Variants in HMG20B observed in about 807,000 individuals in gnomAD.
HMG20B encodes the protein SWI/SNF-related matrix-associated actin-dependent regulator of chromatin subfamily E member 1-related.
HMG20B carries 24 observed loss-of-function variants against 41.6 expected under a neutral mutation model. That is an observed-to-expected ratio of 0.58 (90% CI 0.42 to 0.81). The LOEUF (loss-of-function observed/expected upper bound fraction) is 0.81. Among genes scored for constraint, HMG20B ranks in the 30% least tolerant of loss-of-function variants. HMG20B has a pLI of 0.00. For missense variants in HMG20B, 461 were observed against 444.0 expected, an observed-to-expected ratio of 1.04 and a Z score of -0.34; for synonymous variants, 251 against 186.6, an observed-to-expected ratio of 1.34 and a Z score of -2.81.
chr19:3,576,681 G>A lies in HMG20B; in HGVS notation c.592+56G>A, dbSNP rs576274429. 73 of 1,516,646 alleles carry A rather than the reference G, an allele frequency of 4.8e-5. No homozygotes were observed. The South Asian group carries it at 8.0e-4, about 17-fold the overall frequency. The allele number at this position is 1,516,646 out of a possible 1,614,324, so 93.9% of individuals were successfully genotyped here. A position where few individuals can be genotyped will look rare whatever the true frequency, so the allele number is the denominator to read the frequency against. On this transcript the variant is annotated intron_variant, in intron 7 of 9. Transcript: ENST00000333651. ...TCCGTGAAACTGGGTGGTAGAGGGG[G>A]GCGTGGGCCAGGAGGGCCCCAAGAC... is the stretch of plus-strand genomic sequence containing the variant.
intron 8 of HMG20B, 46 bp downstream of exon 8, chr19:3,577,153 C>T (rs1481908620): frequency 2.1e-5 from 27 of 1,272,062 alleles, no homozygotes; most frequent in Admixed American, 6.0e-5. Flanking sequence ...TCACCCGGCC[C>T]CGCCCGCCTC....
chr19:3,578,017 T>G lies in HMG20B; in HGVS notation c.845T>G (p.Phe282Cys), dbSNP rs137979477. Residue 282 changes from phenylalanine to cysteine, a missense_variant, in exon 9 of 10, where the codon TTC becomes TGC. Transcript: ENST00000333651. The stretch of plus-strand genomic sequence containing the variant: ...ACGCCCACGCTGGGCACTCTGGACT[T>G]CTACATGGCCCGGCTTCACGGAGCC... ...GETPTLGTLDFYMARLHGAIE... is the reference protein window; with the variant it reads ...GETPTLGTLDCYMARLHGAIE... 6.2e-7 allele frequency: 1 copy of G among 1,608,096 alleles called. No individual in the cohort carries two copies. The highest frequency in any genetic ancestry group is 2.2e-5 in the East Asian group (1 of 44,710).
At position 3,573,772 on chromosome 19, in the gene HMG20B, C is replaced by G. The variant is rs755167159; in HGVS notation, c.119C>G (p.Ala40Gly). The G allele has an allele frequency of 2.6e-6, 4 of 1,568,624 alleles. No individual in the cohort carries two copies. The South Asian group carries it at 4.6e-5, about 18-fold the overall frequency. The change falls in exon 3 of 10, where the codon GCG (alanine) becomes GGG (glycine). Residue 40 changes from alanine to glycine, a missense_variant. Physicochemically the swap from Ala to Gly is moderately conservative, Grantham distance 60. Transcript: ENST00000333651. ...VKQERGEGPR[A>G]GEKGSHEEEP... is the part of the protein sequence containing the mutation. ...CAAGAGCGCGGCGAGGGTCCACGCG[C>G]GGGCGAGAAGGGGTCCCACGAGGAG...
At position 3,574,556 on chromosome 19, in the gene HMG20B, G is replaced by A. The variant is rs1232249080; in HGVS notation, c.321G>A (p.Glu107=). 8 of 1,603,240 alleles carry A rather than the reference G, an allele frequency of 5.0e-6. No individual in the cohort carries two copies. The East Asian group carries it at 6.7e-5, about 13-fold the overall frequency. The change falls in exon 4 of 10, where the codon GAG becomes GAA. Residue 107 remains glutamate, a synonymous_variant. Coordinates refer to ENST00000333651, the MANE Select transcript of HMG20B (RefSeq NM_006339.3). ...FPEITKMLGA[E]WSKLQPTEKQ... ...AGATCACCAAGATGCTGGGCGCCGA[G>A]TGGAGCAAGCTGCAGCCAACGGAAA...
intron 2 of HMG20B, 68 bp downstream of exon 2, chr19:3,573,415 C>A: frequency 7.0e-7 from 1 of 1,421,052 alleles, no homozygotes; most frequent in Non-Finnish European, 9.3e-7. Flanking sequence ...TCCTGAACCC[C>A]TGACCCAGTC....
chr19:3,575,300 G>A (rs2032133404), intron 4 of HMG20B, among the ~76,000 whole-genome samples: 1 of 152,172 alleles, frequency 6.6e-6, no homozygotes, highest in Non-Finnish European at 1.5e-5. Context: ...CCATGACTCT[G>A]GCGTCCGGGA....
intron 6 of HMG20B, 113 bp downstream of exon 6, chr19:3,576,420 C>A: frequency 7.4e-7 from 1 of 1,355,880 alleles, no homozygotes; most frequent in Non-Finnish European, 1.1e-6. Flanking sequence ...GGCGGTGCCA[C>A]TGCACCGTGG....
At chr19:3,577,777 C>T (rs923976191) in intron 8 of HMG20B, among the ~76,000 whole-genome samples, 3 of 150,982 alleles carry the variant, frequency 2.0e-5, no homozygotes, top group Non-Finnish European at 4.4e-5. Flanking sequence ...GCCGCTCTAG[C>T]CCCGCGTCCC....
At position 3,576,589 on chromosome 19, in the gene HMG20B, C is replaced by T. The variant is rs774881413; in HGVS notation, c.556C>T (p.Pro186Ser). The change falls in exon 7 of 10, where the codon CCC becomes TCC. Residue 186 changes from proline (P) to serine (S), a missense_variant. Physicochemically the swap from Pro to Ser is moderately conservative, Grantham distance 74 (BLOSUM62 -1). Transcript: ENST00000333651. The part of the protein sequence containing the change: ...DCDGFSTFDV[P>S]IFTEEFLDQN... ...CGATGGCTTCTCCACCTTCGATGTT[C>T]CCATCTTCACTGAAGAGTTCTTGGA... The T allele has an allele frequency of 6.2e-7, 1 of 1,613,568 alleles. No homozygotes were observed. Among genetic ancestry groups the T allele is most frequent in the Non-Finnish European group, 8.5e-7 (1 of 1,179,722 alleles).
Position 3,577,052 on chromosome 19 carries a change from G to T in HMG20B, c.753G>T (p.Gln251His). 7 of 1,546,006 alleles carry T rather than the reference G, an allele frequency of 4.5e-6. No individual in the cohort carries two copies. Among genetic ancestry groups the T allele is most frequent in the Non-Finnish European group, 6.1e-6 (7 of 1,146,270 alleles). ...GGAGGACGCTGGCGCTGCAGCAGCA[G>T]CTCCAGGCCGTGCGCCAGGCGCTCA... ...EERRTLALQQQLQAVRQALTA... is the reference protein window; with the variant it reads ...EERRTLALQQHLQAVRQALTA... Residue 251 changes from glutamine (Q) to histidine (H), a missense_variant, in exon 8 of 10, where the codon CAG becomes CAT. Transcript: ENST00000333651.
rs757943891 is a variant in HMG20B, at chr19:3,578,224, A to G, written c.941+111A>G. On this transcript the variant is annotated intron_variant, in intron 9 of 9. Transcript: ENST00000333651. ...TGGGTGGGACTCCGCAGCTTACTAGAGATCACCTCCCGGAGGGGCCTACCT... is the reference window on the plus strand; with the variant it reads ...TGGGTGGGACTCCGCAGCTTACTAGGGATCACCTCCCGGAGGGGCCTACCT... 1.5e-5 allele frequency: 21 copies of G among 1,441,044 alleles called. No homozygotes were observed. The Admixed American group carries it at 4.2e-4, about 29-fold the overall frequency. 89.3% of individuals were successfully genotyped at this position (1,441,044 alleles called of 1,614,324 possible).
At chr19:3,578,341 T>C (rs936881718) in intron 9 of HMG20B, 168 bp from the exon 10 acceptor site, 3 of 1,179,168 alleles carry the variant, frequency 2.5e-6, no homozygotes, top group Non-Finnish European at 3.5e-6. Context: ...TCCCTAAAGC[T>C]TCTCAGGGTG....
rs778755479 is a variant in HMG20B at position 3,578,000 on chromosome 19, G to A, written c.828G>A (p.Thr276=). 5.6e-6 allele frequency: 9 copies of A among 1,604,322 alleles called. No homozygotes were observed. The East Asian group carries it at 1.8e-4, about 32-fold the overall frequency. Residue 276 remains threonine, a synonymous_variant, in exon 9 of 10, where the codon ACG becomes ACA. Transcript: ENST00000333651. ...LPVPGTGETP[T]LGTLDFYMAR... is the part of the protein sequence containing the mutation. ...CCCCAGGCACGGGCGAAACGCCCAC[G>A]CTGGGCACTCTGGACTTCTACATGG... is the stretch of plus-strand genomic sequence containing the variant.
Position 3,573,984 on chromosome 19 carries a change from G to A in HMG20B, c.147+184G>A, listed in dbSNP as rs892938273. The A allele has an allele frequency of 2.0e-5, 14 of 710,476 alleles. No individual in the cohort carries two copies. The African/African-American group carries it at 2.3e-4, about 12-fold the overall frequency. The allele number at this position is 710,476 out of a possible 1,614,324, so 44.0% of individuals were successfully genotyped here. ...AGGTCCTCTGCCACTCTAAGTCCAGGCCCCGCCCACCGCACAATGCCAGCT... is the reference window on the plus strand; with the variant it reads ...AGGTCCTCTGCCACTCTAAGTCCAGACCCCGCCCACCGCACAATGCCAGCT... On this transcript the variant is annotated intron_variant, in intron 3 of 9. Transcript: ENST00000333651.
intron 2 of HMG20B, 55 bp downstream of exon 2, chr19:3,573,402 A>G: frequency 6.8e-7 from 1 of 1,470,510 alleles, no homozygotes; most frequent in Non-Finnish European, 9.0e-7. Context: ...CTGCAGCCCT[A>G]GCTCCTGAAC....
chr19:3,577,310 C>T (rs1198798062), intron 8 of HMG20B, among the ~76,000 whole-genome samples: 2 of 149,062 alleles, frequency 1.3e-5, no homozygotes, highest in Admixed American at 6.6e-5. Flanking sequence ...ACCCCTACCC[C>T]ATAGCTCCGT....
At chr19:3,573,544 C>T in intron 2 of HMG20B, 148 bp from the exon 3 acceptor site, 1 of 903,542 alleles carries the variant, frequency 1.1e-6, no homozygotes, top group Non-Finnish European at 1.6e-6. Flanking sequence ...CCCACCTTCC[C>T]CGGATACTGA....
intron 1 of HMG20B, 37 bp downstream of exon 1, chr19:3,573,031 G>A: frequency 2.4e-6 from 1 of 410,796 alleles, no homozygotes; most frequent in Middle Eastern, 6.4e-4. Context: ...CCTGAGAGGG[G>A]GCGGGGGTGC....
intron 6 of HMG20B, 94 bp downstream of exon 6, chr19:3,576,401 G>A (rs553371679): frequency 9.2e-6 from 13 of 1,410,882 alleles, no homozygotes; most frequent in Non-Finnish European, 1.2e-5. Context: ...CCAGATGTGT[G>A]CAAGCAGGGG....
Sources: allele counts gnomAD v4.1 joint callset (sites outside exome capture counted in the v4.1 genomes callset), GRCh38; gene constraint gnomAD v4.1.1; transcripts MANE v1.5; gene names NCBI Gene and HGNC (gene_info 2026-07-23, HGNC 2026-07-21).